TBC1D22B: variants seen among roughly 807,000 people sequenced by gnomAD.
TBC1D22B encodes chromosome 6 open reading frame 197.
In TBC1D22B, 32 loss-of-function variants were observed where a neutral mutation model predicts 69.1. That is an observed-to-expected ratio of 0.46 (90% CI 0.35 to 0.62). The LOEUF is 0.62. Among genes scored for constraint, TBC1D22B ranks in the 20% least tolerant of loss-of-function variants. TBC1D22B has a pLI of 0.00. For missense variants in TBC1D22B, 462 were observed against 630.9 expected (o/e 0.73, Z 2.87); for synonymous variants, 206 against 229.8 (o/e 0.90, Z 0.94).
At chr6:37,303,302 C>T (rs1480224550) in intron 8 of TBC1D22B, among the ~76,000 whole-genome samples, 1 of 152,136 alleles carries the variant, frequency 6.6e-6, no homozygotes, top group Non-Finnish European at 1.5e-5. Context: ...TACCCAGGCA[C>T]CCTTTTCTCT....
chr6:37,279,600 C>A lies in TBC1D22B; in HGVS notation c.410C>A (p.Ser137Tyr). 1.2e-6 allele frequency: 2 copies of A among 1,609,962 alleles called. No homozygotes were observed. Among genetic ancestry groups the A allele is most frequent in the Non-Finnish European group, 1.7e-6 (2 of 1,177,410 alleles). The change falls in exon 3 of 13, where the codon TCC becomes TAC. Residue 137 changes from serine (S) to tyrosine (Y), a missense_variant. Physicochemically the swap from Ser to Tyr is moderately radical, Grantham distance 144 (BLOSUM62 -2). Transcript: ENST00000373491. ...AAGTCCAGCAGTGATGCCCAGCTGTCCAGAAACTCTAGTAAGTCCTTCCTG... is the reference window on the plus strand; with the variant it reads ...AAGTCCAGCAGTGATGCCCAGCTGTACAGAAACTCTAGTAAGTCCTTCCTG... ...VIKSSSDAQL[S>Y]RNSSDTCLRN...
chr6:37,323,180 T>A (rs917843198), intron 12 of TBC1D22B, among the ~76,000 whole-genome samples: 1 of 152,112 alleles, frequency 6.6e-6, no homozygotes, highest in African/African-American at 2.4e-5. Flanking sequence ...AGGATGGAAT[T>A]TGAGAAGCAC....
intron 3 of TBC1D22B, among the ~76,000 whole-genome samples, chr6:37,281,802 A>G (rs1766838461): frequency 6.6e-6 from 1 of 152,220 alleles, no homozygotes; most frequent in Admixed American, 6.5e-5. Flanking sequence ...GAAAAGTTCC[A>G]AGTTAGGGTA....
At chr6:37,326,737 A>G (rs410193) in intron 12 of TBC1D22B, among the ~76,000 whole-genome samples, 136,686 of 151,914 alleles carry the variant, frequency 0.9, 61,562 homozygotes, top group African/African-American at 0.94. Flanking sequence ...GTGGTGAGCC[A>G]AGATCATGCC....
At chr6:37,259,749 G>A (rs1052902694) in intron 1 of TBC1D22B, among the ~76,000 whole-genome samples, 3 of 152,150 alleles carry the variant, frequency 2.0e-5, no homozygotes, top group Non-Finnish European at 4.4e-5. Flanking sequence ...GGGCTCTGTT[G>A]TGTGTGTGAC....
rs910558563 is a variant in TBC1D22B, at chr6:37,291,410, G to A, written c.982+53G>A. ...AAGCTATTGCTCTTTCTTATCTGCC[G>A]TCTGTCTGTTTGTTTTTCCCAAGAG... On this transcript the variant is annotated intron_variant, in intron 8 of 12. Coordinates refer to ENST00000373491, the MANE Select transcript of TBC1D22B (RefSeq NM_017772.4). 2.0e-5 allele frequency: 26 copies of A among 1,309,030 alleles called. No individual in the cohort carries two copies. The African/African-American group carries it at 2.1e-4, about 11-fold the overall frequency. 81.1% of individuals were successfully genotyped at this position (1,309,030 alleles called of 1,614,324 possible).
chr6:37,274,975 C>T (rs59413560), intron 2 of TBC1D22B, among the ~76,000 whole-genome samples: 4,838 of 152,226 alleles, frequency 0.032, 239 homozygotes, highest in African/African-American at 0.11. Context: ...TCGCTTGAAC[C>T]CGGAGGCGGA....
chr6:37,317,434 C>T (rs914644835), intron 12 of TBC1D22B, among the ~76,000 whole-genome samples: 1 of 152,152 alleles, frequency 6.6e-6, no homozygotes, highest in Non-Finnish European at 1.5e-5. Context: ...TGCAGAGTGA[C>T]TGGGCAGGCC....
At chr6:37,263,390 G>C (rs985493077) in intron 1 of TBC1D22B, among the ~76,000 whole-genome samples, 2 of 152,190 alleles carry the variant, frequency 1.3e-5, no homozygotes, top group African/African-American at 4.8e-5. Flanking sequence ...GCAATGTGCA[G>C]TCTTTTATGT....
intron 1 of TBC1D22B, among the ~76,000 whole-genome samples, chr6:37,262,178 A>G (rs1766127593): frequency 6.6e-6 from 1 of 151,622 alleles, no homozygotes; most frequent in South Asian, 2.1e-4. Flanking sequence ...TTACAGGCAC[A>G]TGCCACCATG....
intron 1 of TBC1D22B, among the ~76,000 whole-genome samples, chr6:37,266,030 C>T (rs1766260431): frequency 6.6e-6 from 1 of 152,146 alleles, no homozygotes; most frequent in Non-Finnish European, 1.5e-5. Context: ...GGGTAGTGTT[C>T]TAACATTTGC....
intron 8 of TBC1D22B, among the ~76,000 whole-genome samples, chr6:37,297,204 A>G (rs1289887123): frequency 6.6e-6 from 1 of 152,210 alleles, no homozygotes; most frequent in Non-Finnish European, 1.5e-5. Context: ...TATGTAATCT[A>G]ATATACAGTC....
chr6:37,321,803 A>G (rs555936868), intron 12 of TBC1D22B, among the ~76,000 whole-genome samples: 5 of 152,270 alleles, frequency 3.3e-5, no homozygotes, highest in African/African-American at 1.2e-4. Flanking sequence ...CTGTTAGATC[A>G]GTGGCTGGGG....
At chr6:37,291,172 T>C (rs1471083951) in intron 7 of TBC1D22B, 71 bp from the exon 8 acceptor site, 1 of 1,053,422 alleles carries the variant, frequency 9.5e-7, no homozygotes, top group African/African-American at 1.6e-5. Context: ...AATTGTGAAG[T>C]AGGTAAACGG....
chr6:37,260,285 G>A (rs1458993428), intron 1 of TBC1D22B, among the ~76,000 whole-genome samples: 2 of 152,166 alleles, frequency 1.3e-5, no homozygotes, highest in African/African-American at 2.4e-5. Context: ...TCTACTGGAT[G>A]CATGCAAACT....
intron 12 of TBC1D22B, among the ~76,000 whole-genome samples, chr6:37,329,888 C>T (rs936723414): frequency 2.6e-5 from 4 of 152,230 alleles, no homozygotes; most frequent in East Asian, 3.8e-4. Flanking sequence ...AGAACCTAAT[C>T]GTATTGGCCA....
chr6:37,303,227 A>AT (rs1322376327), intron 8 of TBC1D22B, among the ~76,000 whole-genome samples: 1 of 152,124 alleles, frequency 6.6e-6, no homozygotes, highest in African/African-American at 2.4e-5. Context: ...GGGAACAGTT[A>AT]TTTTTAGGCA....
intron 1 of TBC1D22B, among the ~76,000 whole-genome samples, chr6:37,269,362 G>A (rs1766407910): frequency 6.6e-6 from 1 of 152,128 alleles, no homozygotes; most frequent in African/African-American, 2.4e-5. Flanking sequence ...TTACACATAG[G>A]ACATCCTGAC....
At chr6:37,262,991 G>A (rs530015416) in intron 1 of TBC1D22B, among the ~76,000 whole-genome samples, 1 of 152,316 alleles carries the variant, frequency 6.6e-6, no homozygotes, top group South Asian at 2.1e-4. Context: ...CATATTCCAT[G>A]GCATTCTTTT....
Sources: gnomAD v4.1 joint callset for allele counts (sites outside exome capture counted in the v4.1 genomes callset) on GRCh38, gnomAD v4.1.1 for gene constraint, MANE v1.5 for transcripts, NCBI Gene and HGNC (gene_info 2026-07-23, HGNC 2026-07-21) for gene names.